FBXL7: variants seen among roughly 807,000 people sequenced by gnomAD.
FBXL7 encodes F-box/LRR-repeat protein 7.
A neutral mutation model predicts 38.3 loss-of-function variants in FBXL7; 12 were observed. The ratio of observed to expected loss-of-function variants is 0.31; its 90% CI spans 0.20 to 0.51. The LOEUF (loss-of-function observed/expected upper bound fraction) is 0.51, where lower values mean the gene tolerates loss of function less well. Among genes scored for constraint, FBXL7 ranks in the 20% least tolerant of loss-of-function variants. The pLI is 0.98. For missense variants in FBXL7, 567 were observed against 676.4 expected (o/e 0.84, Z 1.79); for synonymous variants, 297 against 300.9 (o/e 0.99, Z 0.13).
chr5:15,821,419 T>C (rs1190661342), intron 2 of FBXL7, among the ~76,000 whole-genome samples: 1 of 152,162 alleles, frequency 6.6e-6, no homozygotes, highest in Non-Finnish European at 1.5e-5. Flanking sequence ...CAAAAACCCG[T>C]CGCACAGGGA....
chr5:15,861,880 C>T (rs1739490455), intron 2 of FBXL7, among the ~76,000 whole-genome samples: 1 of 152,174 alleles, frequency 6.6e-6, no homozygotes, highest in African/African-American at 2.4e-5. Context: ...ACCTAGGTTG[C>T]AGTAATCTTC....
chr5:15,536,960 TG>T (rs1737604543), intron 1 of FBXL7, among the ~76,000 whole-genome samples: 1 of 152,186 alleles, frequency 6.6e-6, no homozygotes, highest in Admixed American at 6.5e-5. Context: ...ATTTCTCCCA[TG>T]CTGTTCTTGT....
intron 2 of FBXL7, among the ~76,000 whole-genome samples, chr5:15,617,770 G>A (rs975458986): frequency 1.3e-4 from 20 of 152,086 alleles, no homozygotes; most frequent in Admixed American, 1.1e-3. Context: ...TCATTCTTAG[G>A]AGCCATAGTG....
At chr5:15,598,774 C>G (rs1373926474) in intron 1 of FBXL7, among the ~76,000 whole-genome samples, 3 of 152,086 alleles carry the variant, frequency 2.0e-5, no homozygotes, top group Non-Finnish European at 2.9e-5. Context: ...CCTCACTCCC[C>G]CTCCTTGTCT....
At position 15,936,903 on chromosome 5, in the gene FBXL7, C is replaced by G. The variant is rs1241960852; in HGVS notation, c.1193C>G (p.Ala398Gly). 10 of 1,613,944 alleles carry G rather than the reference C, an allele frequency of 6.2e-6. No individual in the cohort carries two copies. The highest frequency in any genetic ancestry group is 8.5e-6 in the Non-Finnish European group (10 of 1,179,904). Residue 398 changes from alanine to glycine, a missense_variant, in exon 4 of 4, where the codon GCC becomes GGC. By Grantham distance (60) the Ala-to-Gly change is moderately conservative. Transcript: ENST00000504595. This position sits in a 1 kb window ranked among gnomAD's most constrained non-coding sequence, Gnocchi z 6.0. ...GITDHGVEYL[A>G]KNCTKLKSLD... ...ACGGACCACGGTGTGGAGTACCTCG[C>G]CAAGAACTGCACCAAACTCAAATCC...
chr5:15,734,605 ATCCT>A (rs1735699300), intron 2 of FBXL7, among the ~76,000 whole-genome samples: 1 of 152,060 alleles, frequency 6.6e-6, no homozygotes, highest in African/African-American at 2.4e-5. Flanking sequence ...CTCCTCTTCC[ATCCT>A]TCCTTCCTTT....
intron 2 of FBXL7, among the ~76,000 whole-genome samples, chr5:15,680,523 T>A (rs1236530256): frequency 6.6e-6 from 1 of 152,176 alleles, no homozygotes; most frequent in Non-Finnish European, 1.5e-5. Flanking sequence ...TGGCCTTTTA[T>A]CAGTTGGTTA....
chr5:15,708,080 T>C (rs946387922), intron 2 of FBXL7, among the ~76,000 whole-genome samples: 1 of 152,238 alleles, frequency 6.6e-6, no homozygotes, highest in Non-Finnish European at 1.5e-5. Context: ...TGATGATGTA[T>C]TTTCCACTTT....
intron 2 of FBXL7, among the ~76,000 whole-genome samples, chr5:15,742,610 G>GGTGCC (rs2126676607): frequency 6.6e-6 from 1 of 152,290 alleles, no homozygotes; most frequent in Admixed American, 6.5e-5. Flanking sequence ...AATTTGCATT[G>GGTGCC]AACATATTTG....
intron 2 of FBXL7, among the ~76,000 whole-genome samples, chr5:15,844,540 G>A (rs1208843856): frequency 2.0e-5 from 3 of 152,212 alleles, no homozygotes; most frequent in Admixed American, 6.5e-5. Flanking sequence ...TCTCATGATC[G>A]GTAGAGCATA....
intron 2 of FBXL7, among the ~76,000 whole-genome samples, chr5:15,714,447 G>C (rs572321210): frequency 5.9e-5 from 9 of 151,582 alleles, no homozygotes; most frequent in Non-Finnish European, 1.3e-4. Context: ...CCCAGTCTCA[G>C]GTAGTTCTTT....
intron 2 of FBXL7, among the ~76,000 whole-genome samples, chr5:15,709,319 A>G (rs1743786347): frequency 6.6e-6 from 1 of 152,106 alleles, no homozygotes; most frequent in Admixed American, 6.5e-5. Context: ...GGGTCACCTG[A>G]GGTCAGGAGT....
chr5:15,592,492 G>A (rs1739510339), intron 1 of FBXL7, among the ~76,000 whole-genome samples: 1 of 152,086 alleles, frequency 6.6e-6, no homozygotes. Context: ...ACAGCTTGAC[G>A]CCATCACAAA....
chr5:15,549,935 T>C (rs1738016028), intron 1 of FBXL7, among the ~76,000 whole-genome samples: 1 of 152,102 alleles, frequency 6.6e-6, no homozygotes, highest in African/African-American at 2.4e-5. Context: ...AGGGGATGCT[T>C]AGAAACGTAG....
chr5:15,706,117 T>A (rs563854841), intron 2 of FBXL7, among the ~76,000 whole-genome samples: 3 of 152,162 alleles, frequency 2.0e-5, no homozygotes, highest in Non-Finnish European at 4.4e-5. Flanking sequence ...TCAACGGGTA[T>A]GATACAGTTT....
intron 1 of FBXL7, among the ~76,000 whole-genome samples, chr5:15,510,523 G>GGAA (rs1464782130): frequency 6.6e-6 from 1 of 152,068 alleles, no homozygotes; most frequent in Non-Finnish European, 1.5e-5. Context: ...TCAGACCCCA[G>GGAA]GAAGAAGAAG....
At chr5:15,886,230 C>T (rs1306962764) in intron 2 of FBXL7, among the ~76,000 whole-genome samples, 3 of 150,410 alleles carry the variant, frequency 2.0e-5, no homozygotes, top group Non-Finnish European at 4.4e-5. Flanking sequence ...TGTGTGTGTG[C>T]ATGCAAATGT....
chr5:15,866,911 A>G (rs1353429017), intron 2 of FBXL7, among the ~76,000 whole-genome samples: 2 of 152,030 alleles, frequency 1.3e-5, no homozygotes, highest in Non-Finnish European at 2.9e-5. Flanking sequence ...CAGTCTATTA[A>G]TGCCCATCAC....
intron 2 of FBXL7, among the ~76,000 whole-genome samples, chr5:15,836,039 T>G (rs1738583523): frequency 6.6e-6 from 1 of 152,174 alleles, no homozygotes; most frequent in South Asian, 2.1e-4. Flanking sequence ...CCAATAACAT[T>G]TATTTGCTTT....
Sources: gnomAD v4.1 joint callset for allele counts (sites outside exome capture counted in the v4.1 genomes callset) on GRCh38, gnomAD v4.1.1 for gene constraint, Gnocchi (gnomAD v3.1) non-coding constraint, MANE v1.5 for transcripts, NCBI Gene and HGNC (gene_info 2026-07-23, HGNC 2026-07-21) for gene names.